The following KCNMA1 variants were observed in gnomAD, a reference collection of about 807,000 sequenced individuals.
KCNMA1 encodes the protein Calcium-activated potassium channel subunit alpha-1.
KCNMA1 carries 29 observed loss-of-function variants against 140.0 expected under a neutral mutation model. That is an observed-to-expected ratio of 0.21 (90% CI 0.15 to 0.28). KCNMA1 has a LOEUF of 0.28. Among genes scored for constraint, KCNMA1 ranks in the 10% least tolerant of loss-of-function variants. KCNMA1 has a pLI of 1.00. For synonymous variants in KCNMA1, 612 were observed against 611.9 expected, an observed-to-expected ratio of 1.00 and a Z score of 0.00; for missense variants, 880 against 1,602.2, an observed-to-expected ratio of 0.55 and a Z score of 7.70.
chr10:77,314,970 A>G (rs1016788578), intron 2 of KCNMA1, among the ~76,000 whole-genome samples: 1 of 148,512 alleles, frequency 6.7e-6, no homozygotes, highest in Non-Finnish European at 1.5e-5. Context: ...ACACACACGA[A>G]GCAATGTTTA....
rs192844203 is a variant in KCNMA1, at chr10:77,510,742, G to A, written c.379-106719C>T. Among the ~76,000 whole-genome samples, 18 of 152,178 alleles carry A rather than the reference G, an allele frequency of 1.2e-4. No individual in the cohort carries two copies. In the East Asian group the frequency reaches 1.6e-3, roughly 13 times the overall value. ...GAGCCCAGGAATTCAAGGCTGCAGC[G>A]AGCTATGACAGCGCCACTGCACTCC... On this transcript the variant is annotated intron_variant, in intron 1 of 27. Transcript: ENST00000286628.
At chr10:76,929,150 T>C (rs965983370) in intron 23 of KCNMA1, among the ~76,000 whole-genome samples, 5 of 152,144 alleles carry the variant, frequency 3.3e-5, no homozygotes, top group African/African-American at 1.2e-4. Flanking sequence ...CCTTTGGAAA[T>C]ATGGAATAGA....
intron 15 of KCNMA1, among the ~76,000 whole-genome samples, chr10:77,029,277 A>G (rs2093736591): frequency 6.6e-6 from 1 of 152,192 alleles, no homozygotes; most frequent in Admixed American, 6.5e-5. Context: ...CAATGAGTTG[A>G]TGCTTATTTA....
intron 12 of KCNMA1, among the ~76,000 whole-genome samples, chr10:77,082,002 C>CTTTTGTTTTT (rs772878572): frequency 1.9e-5 from 1 of 51,650 alleles, no homozygotes; most frequent in Non-Finnish European, 4.6e-5. Flanking sequence ...TTCTTTTTTT[C>CTTTTGTTTTT]TTTTCTTTTT....
chr10:77,148,740 A>G (rs1284839462), intron 5 of KCNMA1, among the ~76,000 whole-genome samples: 1 of 152,236 alleles, frequency 6.6e-6, no homozygotes, highest in Non-Finnish European at 1.5e-5. Context: ...AAAACTAGCC[A>G]CAGATGATAC....
At chr10:77,484,462 A>G (rs894978993) in intron 1 of KCNMA1, among the ~76,000 whole-genome samples, 3 of 152,272 alleles carry the variant, frequency 2.0e-5, no homozygotes, top group Non-Finnish European at 4.4e-5. Context: ...TGCTCTGCAC[A>G]GTGCTAAGCA....
At chr10:77,062,499 A>G (rs2153673464) in intron 14 of KCNMA1, among the ~76,000 whole-genome samples, 1 of 152,276 alleles carries the variant, frequency 6.6e-6, no homozygotes, top group Non-Finnish European at 1.5e-5. Context: ...GGTTGAGACT[A>G]AACTTTATAG....
intron 2 of KCNMA1, among the ~76,000 whole-genome samples, chr10:77,268,528 G>A (rs6480856): frequency 6.6e-6 from 1 of 152,014 alleles, no homozygotes; most frequent in Non-Finnish European, 1.5e-5. Context: ...GTTACTGGAG[G>A]CTTACAAGGA....
At chr10:76,888,188 G>A (rs2038121083) in intron 27 of KCNMA1, 1 of 154,084 alleles carries the variant, frequency 6.5e-6, no homozygotes, top group Admixed American at 6.4e-5. Flanking sequence ...TAGGAACTAG[G>A]AAATGCAAGT....
intron 1 of KCNMA1, among the ~76,000 whole-genome samples, chr10:77,483,250 C>A (rs2154533160): frequency 6.6e-6 from 1 of 152,300 alleles, no homozygotes; most frequent in South Asian, 2.1e-4. Flanking sequence ...TCTCTCTGCT[C>A]CGACCCTTCT....
In KCNMA1 at chr10:76,887,650, A is replaced by T. The variant is rs2037744468; in HGVS notation, c.3462-135T>A. 1.1e-4 allele frequency: 108 copies of T among 993,078 alleles called. No homozygotes were observed. In the South Asian group the frequency reaches 1.5e-3, roughly 14 times the overall value. The allele number at this position is 993,078 out of a possible 1,614,324, so 61.5% of individuals were successfully genotyped here. On this transcript the variant is annotated intron_variant, in intron 27 of 27. Coordinates refer to ENST00000286628, the MANE Select transcript of KCNMA1 (RefSeq NM_001161352.2). ...GGAAGATGCACTCCTAGCTGGTCTGAGGCCTTAAACATTCTTTTTCTTGTT... is the reference window on the plus strand; with the variant it reads ...GGAAGATGCACTCCTAGCTGGTCTGTGGCCTTAAACATTCTTTTTCTTGTT...
intron 1 of KCNMA1, among the ~76,000 whole-genome samples, chr10:77,508,576 C>CTTTTTTTTTTTTTTTTTTT (rs2047061603): frequency 1.1e-5 from 1 of 91,050 alleles, no homozygotes; most frequent in Non-Finnish European, 1.9e-5. Context: ...TTTTTTTTTT[C>CTTTTTTTTTTTTTTTTTTT]TTTTCTTTTT....
At position 77,637,737 on chromosome 10, in the gene KCNMA1, T is replaced by TGCTGCCGCTGCC; in HGVS notation, c.-96_-95insGGCAGCGGCAGC. On this transcript the variant is annotated 5_prime_UTR_variant, in exon 1 of 28. Transcript: ENST00000286628. Reference sequence around the variant, plus strand: ...CCATCAACAGCCATATTGCTGCTACTGCTGCCGCCGCCGCCGCCGCCGCGG... The same window carrying TGCTGCCGCTGCC: ...CCATCAACAGCCATATTGCTGCTACTGCTGCCGCTGCCGCTGCCGCCGCCGCCGCCGCCGCGG... The TGCTGCCGCTGCC allele has an allele frequency of 2.3e-6, 3 of 1,305,578 alleles. No homozygotes were observed. Among genetic ancestry groups the TGCTGCCGCTGCC allele is most frequent in the Non-Finnish European group, 1.9e-6 (2 of 1,039,208 alleles). 80.9% of individuals were successfully genotyped at this position (1,305,578 alleles called of 1,614,324 possible). A position where few individuals can be genotyped will look rare whatever the true frequency, so the allele number is the denominator to read the frequency against.
At chr10:77,131,968 A>G (rs78357333) in intron 5 of KCNMA1, among the ~76,000 whole-genome samples, 1 of 146,978 alleles carries the variant, frequency 6.8e-6, no homozygotes, top group Admixed American at 6.8e-5. Context: ...CGGTCTCAAA[A>G]AAAAAAAAAA....
At chr10:77,099,871 T>C (rs902195047) in intron 9 of KCNMA1, among the ~76,000 whole-genome samples, 2 of 152,186 alleles carry the variant, frequency 1.3e-5, no homozygotes, top group Admixed American at 1.3e-4. Context: ...ACCCCTCTTT[T>C]ACTGGGTCTG....
chr10:77,098,662 A>C (rs1049434881), intron 9 of KCNMA1, among the ~76,000 whole-genome samples: 3 of 152,108 alleles, frequency 2.0e-5, no homozygotes, highest in African/African-American at 7.2e-5. Context: ...TAACTGGTAG[A>C]CTTGTTTACC....
intron 13 of KCNMA1, among the ~76,000 whole-genome samples, chr10:77,075,763 T>C (rs1291488120): frequency 6.6e-6 from 1 of 152,208 alleles, no homozygotes; most frequent in African/African-American, 2.4e-5. Flanking sequence ...TGCTGAATGC[T>C]TGGAGGGAAA....
intron 1 of KCNMA1, chr10:77,493,872 G>A (rs1711290): frequency 4.6e-5 from 7 of 152,108 alleles, no homozygotes; most frequent in South Asian, 2.1e-4. Context: ...TGGGCCTCGC[G>A]TGGCTGCAGG....
chr10:77,397,009 C>T (rs145277286), intron 2 of KCNMA1, among the ~76,000 whole-genome samples: 151 of 135,244 alleles, frequency 1.1e-3, no homozygotes, highest in Middle Eastern at 4.1e-3. Context: ...ATGTCGCTCC[C>T]AAGTTGAGGT....
Sources: allele counts gnomAD v4.1 joint callset (sites outside exome capture counted in the v4.1 genomes callset), GRCh38; gene constraint gnomAD v4.1.1; transcripts MANE v1.5; gene names NCBI Gene and HGNC (gene_info 2026-07-23, HGNC 2026-07-21).